LRRC4C: variants seen among roughly 807,000 people sequenced by gnomAD.
The protein encoded by LRRC4C is leucine rich repeat containing 4C, also known as leucine-rich repeat-containing protein 4C.
LRRC4C carries 5 observed loss-of-function variants against 33.6 expected under a neutral mutation model. The observed-to-expected ratio is 0.15, with a 90% CI of 0.08 to 0.31. LRRC4C has a LOEUF of 0.31. Among genes scored for constraint, LRRC4C ranks in the 10% least tolerant of loss-of-function variants. The pLI is 1.00. For missense variants in LRRC4C, 560 were observed against 796.7 expected (o/e 0.70, Z 3.58); for synonymous variants, 329 against 302.0 (o/e 1.09, Z -0.93).
At chr11:40,194,312 A>G (rs1862075141) in intron 5 of LRRC4C, among the ~76,000 whole-genome samples, 1 of 152,198 alleles carries the variant, frequency 6.6e-6, no homozygotes, top group Admixed American at 6.5e-5. Flanking sequence ...CAACATTCTT[A>G]AAAGAATTTT....
intron 5 of LRRC4C, among the ~76,000 whole-genome samples, chr11:40,201,036 T>A (rs1160530753): frequency 6.6e-6 from 1 of 152,070 alleles, no homozygotes; most frequent in Non-Finnish European, 1.5e-5. Flanking sequence ...AGTGTGTGTG[T>A]TTATGTGATG....
chr11:40,359,274 T>C (rs925076593), intron 3 of LRRC4C, among the ~76,000 whole-genome samples: 3 of 152,330 alleles, frequency 2.0e-5, no homozygotes, highest in Admixed American at 6.5e-5. Context: ...TCCTATCTTC[T>C]GTGCCAGAGA....
intron 5 of LRRC4C, among the ~76,000 whole-genome samples, chr11:40,201,916 C>T (rs1027840329): frequency 6.6e-6 from 1 of 152,182 alleles, no homozygotes; most frequent in African/African-American, 2.4e-5. Context: ...TCACACCTTA[C>T]ATTTGGCTAA....
At chr11:40,493,081 A>C (rs1033668267) in intron 3 of LRRC4C, among the ~76,000 whole-genome samples, 1 of 151,312 alleles carries the variant, frequency 6.6e-6, no homozygotes, top group South Asian at 2.1e-4. Context: ...TATATATTAA[A>C]TATAAATATA....
intron 6 of LRRC4C, among the ~76,000 whole-genome samples, chr11:40,128,121 G>A (rs1426040980): frequency 6.6e-6 from 1 of 152,128 alleles, no homozygotes; most frequent in African/African-American, 2.4e-5. Context: ...TGGTAAATTG[G>A]CCTTCTCCGA....
chr11:41,011,267 C>T (rs1010147722), intron 1 of LRRC4C, among the ~76,000 whole-genome samples: 1 of 151,972 alleles, frequency 6.6e-6, no homozygotes, highest in Non-Finnish European at 1.5e-5. Context: ...GGGGCTAACA[C>T]CATTATTCAC....
chr11:40,259,997 G>A (rs1472556828), intron 4 of LRRC4C, among the ~76,000 whole-genome samples: 20 of 145,272 alleles, frequency 1.4e-4, no homozygotes, highest in Admixed American at 4.2e-4. Context: ...TCAGTGTGGC[G>A]ATTCCTCAGG....
intron 3 of LRRC4C, among the ~76,000 whole-genome samples, chr11:40,513,264 A>G (rs546677939): frequency 2.0e-3 from 306 of 151,686 alleles, no homozygotes; most frequent in Non-Finnish European, 2.5e-3. Flanking sequence ...AAAAAAAAAA[A>G]AAAAAGAAAA....
rs192097965 is a variant in LRRC4C, at chr11:41,248,625, T to C, written c.-496+210806A>G. Among the ~76,000 whole-genome samples, 6 of 152,288 alleles carry C rather than the reference T, an allele frequency of 3.9e-5. No individual in the cohort carries two copies. The East Asian group carries it at 1.2e-3, about 29-fold the overall frequency. ...ATCACAGGAACCACCCACAGATCTA[T>C]AATCTTCTTTTATTATACTTACTTC... On this transcript the variant is annotated intron_variant, in intron 1 of 6. Transcript: ENST00000528697.
At chr11:40,334,537 G>A (rs1038292522) in intron 3 of LRRC4C, among the ~76,000 whole-genome samples, 3 of 152,138 alleles carry the variant, frequency 2.0e-5, no homozygotes, top group African/African-American at 4.8e-5. Flanking sequence ...CTCATTAGGT[G>A]TGTGTACTCA....
intron 1 of LRRC4C, among the ~76,000 whole-genome samples, chr11:41,239,095 C>G (rs528911775): frequency 7.5e-4 from 111 of 148,334 alleles, no homozygotes; most frequent in Non-Finnish European, 1.4e-3. Flanking sequence ...GCGGGCGGAT[C>G]ACGAGGTCAG....
chr11:40,615,170 C>A (rs1311370867), intron 3 of LRRC4C, among the ~76,000 whole-genome samples: 2 of 149,052 alleles, frequency 1.3e-5, no homozygotes, highest in East Asian at 3.9e-4. Context: ...GTACGGAAAA[C>A]CTTCTGGTTC....
At chr11:40,728,093 T>C (rs907045568) in intron 2 of LRRC4C, among the ~76,000 whole-genome samples, 5 of 151,720 alleles carry the variant, frequency 3.3e-5, no homozygotes, top group African/African-American at 1.2e-4. Flanking sequence ...AAAACCTCTA[T>C]GAGGTACCAT....
intron 2 of LRRC4C, among the ~76,000 whole-genome samples, chr11:40,665,345 T>C (rs1434485427): frequency 1.1e-4 from 2 of 18,118 alleles, no homozygotes; most frequent in African/African-American, 1.7e-4. Context: ...TATATATATA[T>C]ATATATATAT....
At chr11:41,182,093 C>T (rs1394968812) in intron 1 of LRRC4C, among the ~76,000 whole-genome samples, 3 of 152,202 alleles carry the variant, frequency 2.0e-5, no homozygotes, top group East Asian at 3.9e-4. Context: ...GATATTATAA[C>T]TATTTAATGG....
rs146380076 is a variant in LRRC4C at position 40,953,532 on chromosome 11, T to G, written c.-495-19809A>C. Among the ~76,000 whole-genome samples the G allele has an allele frequency of 4.6e-5, 7 of 151,984 alleles. No individual in the cohort carries two copies. The East Asian group carries it at 1.2e-3, about 25-fold the overall frequency. On this transcript the variant is annotated intron_variant, in intron 1 of 6. Coordinates refer to ENST00000528697, the MANE Select transcript of LRRC4C (RefSeq NM_001258419.2). Reference sequence around the variant, plus strand: ...AGCTGTATGTAATTTCATAAGCATATTACCCTGATTAAATTTTATACTAGT... The same window carrying G: ...AGCTGTATGTAATTTCATAAGCATAGTACCCTGATTAAATTTTATACTAGT...
intron 1 of LRRC4C, among the ~76,000 whole-genome samples, chr11:41,220,422 C>A (rs746750955): frequency 3.3e-5 from 5 of 151,076 alleles, no homozygotes; most frequent in Non-Finnish European, 5.9e-5. Flanking sequence ...ATCTGCTGTG[C>A]AACATTCAAC....
intron 3 of LRRC4C, among the ~76,000 whole-genome samples, chr11:40,586,133 CTGT>C (rs1461254493): frequency 1.3e-5 from 2 of 150,704 alleles, no homozygotes; most frequent in East Asian, 2.0e-4. Flanking sequence ...TCTCCAGCAC[CTGT>C]TGTTTCCTGA....
chr11:41,177,154 GA>G (rs1277127621), intron 1 of LRRC4C, among the ~76,000 whole-genome samples: 2 of 152,148 alleles, frequency 1.3e-5, no homozygotes, highest in Admixed American at 1.3e-4. Context: ...GGTCCTTAAG[GA>G]GTGGATATGT....
Sources: allele counts gnomAD v4.1 joint callset (sites outside exome capture counted in the v4.1 genomes callset), GRCh38; gene constraint gnomAD v4.1.1; transcripts MANE v1.5; gene names NCBI Gene and HGNC (gene_info 2026-07-23, HGNC 2026-07-21).